The following NTRK3 variants were observed in gnomAD, a reference collection of about 807,000 sequenced individuals.
The protein encoded by NTRK3 is NT-3 growth factor receptor.
In NTRK3, 24 loss-of-function variants were observed where a neutral mutation model predicts 91.7. The observed-to-expected ratio is 0.26, with a 90% CI of 0.19 to 0.37. NTRK3 has a LOEUF of 0.37. NTRK3 is among the 10% of genes least tolerant of loss of function. NTRK3 has a pLI of 1.00. For missense variants in NTRK3, 880 were observed against 1,068.9 expected (o/e 0.82, Z 2.46); for synonymous variants, 483 against 404.0 (o/e 1.20, Z -2.34).
intron 13 of NTRK3, among the ~76,000 whole-genome samples, chr15:88,118,740 G>GGC (rs1259764404): frequency 6.6e-6 from 1 of 152,184 alleles, no homozygotes; most frequent in Non-Finnish European, 1.5e-5. Context: ...TCCACAGTAG[G>GGC]GCATAAGGCA....
intron 13 of NTRK3, among the ~76,000 whole-genome samples, chr15:88,034,637 G>T (rs2078906645): frequency 6.6e-6 from 1 of 152,180 alleles, no homozygotes; most frequent in African/African-American, 2.4e-5. Flanking sequence ...ACATCTTACT[G>T]AAGTTTATGG....
At chr15:87,880,832 G>C (rs529083501) in intron 17 of NTRK3, among the ~76,000 whole-genome samples, 12 of 152,360 alleles carry the variant, frequency 7.9e-5, no homozygotes, top group African/African-American at 2.9e-4. Context: ...ATTCTTGGCT[G>C]CAGTGGCACA....
rs144033815 is a variant in NTRK3, at chr15:87,960,155, G to A, written c.1586-19402C>T. ...CAGTACCTTGTTTGGGTCCCTCCTCGAACAAGACTAATCCAGGACCTCCTG... is the reference window on the plus strand; with the variant it reads ...CAGTACCTTGTTTGGGTCCCTCCTCAAACAAGACTAATCCAGGACCTCCTG... On this transcript the variant is annotated intron_variant, in intron 14 of 18. Coordinates refer to ENST00000394480, the Ensembl canonical transcript of NTRK3. 9.6e-3 allele frequency among the ~76,000 whole-genome samples: 1,457 copies of A among 152,220 alleles called. 10 individuals are homozygous for A. The highest frequency in any genetic ancestry group is 0.013 in the Non-Finnish European group (862 of 68,014).
intron 13 of NTRK3, among the ~76,000 whole-genome samples, chr15:88,073,232 G>A (rs934800921): frequency 6.6e-6 from 1 of 152,202 alleles, no homozygotes; most frequent in Admixed American, 6.5e-5. Flanking sequence ...AAACTCTGGG[G>A]CAGGGGCCCA....
intron 14 of NTRK3, among the ~76,000 whole-genome samples, chr15:87,952,445 T>A (rs2071219612): frequency 6.6e-6 from 1 of 152,244 alleles, no homozygotes; most frequent in African/African-American, 2.4e-5. Flanking sequence ...GGGCTTCCTG[T>A]CTTCCCTCAG....
intron 16 of NTRK3, among the ~76,000 whole-genome samples, chr15:87,932,109 T>C (rs1331755383): frequency 6.6e-6 from 1 of 152,196 alleles, no homozygotes; most frequent in African/African-American, 2.4e-5. Context: ...AGATGCTGTC[T>C]TCTCTTGGGA....
intron 3 of NTRK3, among the ~76,000 whole-genome samples, chr15:88,226,773 C>A (rs1467572208): frequency 2.0e-5 from 3 of 152,224 alleles, no homozygotes; most frequent in Non-Finnish European, 4.4e-5. Flanking sequence ...TCACACTCAA[C>A]TTGTAGAGAG....
At chr15:88,087,849 G>A (rs1232686601) in intron 13 of NTRK3, among the ~76,000 whole-genome samples, 1 of 152,178 alleles carries the variant, frequency 6.6e-6, no homozygotes, top group African/African-American at 2.4e-5. Flanking sequence ...AGAAGTTCAA[G>A]ACCAGCCTGG....
At chr15:87,955,911 C>T (rs989750281) in intron 14 of NTRK3, among the ~76,000 whole-genome samples, 1 of 152,074 alleles carries the variant, frequency 6.6e-6, no homozygotes, top group South Asian at 2.1e-4. Context: ...GCTAGGGTCT[C>T]CAGCAGGGAA....
chr15:87,898,074 T>C (rs2066231376), intron 17 of NTRK3, among the ~76,000 whole-genome samples: 2 of 152,364 alleles, frequency 1.3e-5, no homozygotes, highest in South Asian at 4.1e-4. Flanking sequence ...TGCACATACA[T>C]AATACTTTGA....
intron 13 of NTRK3, among the ~76,000 whole-genome samples, chr15:88,096,149 C>A (rs187272730): frequency 2.0e-5 from 3 of 152,132 alleles, no homozygotes; most frequent in Non-Finnish European, 2.9e-5. Context: ...ACAGGGCATC[C>A]TAATCATGCT....
chr15:88,002,171 T>C (rs866710244), intron 14 of NTRK3, among the ~76,000 whole-genome samples: 1 of 98,494 alleles, frequency 1.0e-5, no homozygotes, highest in Non-Finnish European at 2.4e-5. Context: ...AGTGGTTGTT[T>C]TTTTTTTTTT....
intron 13 of NTRK3, among the ~76,000 whole-genome samples, chr15:88,065,407 C>T (rs2046565018): frequency 6.6e-6 from 1 of 152,136 alleles, no homozygotes; most frequent in African/African-American, 2.4e-5. Context: ...CCCATATGGT[C>T]CCTGTCCCCA....
rs539485100 is a variant in NTRK3, at chr15:88,074,879, A to G, written c.1397-41834T>C. On this transcript the variant is annotated intron_variant, in intron 13 of 18. Transcript: ENST00000394480. ...AGAACCTCCATTTTCCCATCTGTAAAATGGGAATAAAATAATCACCTATGA... is the reference window on the plus strand; with the variant it reads ...AGAACCTCCATTTTCCCATCTGTAAGATGGGAATAAAATAATCACCTATGA... 2.0e-5 allele frequency among the ~76,000 whole-genome samples: 3 copies of G among 152,248 alleles called. No homozygotes were observed. In the East Asian group the frequency reaches 5.8e-4, roughly 29 times the overall value.
In NTRK3 at chr15:88,240,740, G is replaced by A. The variant is rs1029613024; in HGVS notation, c.248+15166C>T. The stretch of plus-strand genomic sequence containing the variant: ...CCTGCCATGTCACTGTGCTGAGAAT[G>A]GAAGCGGGTTAAAATAAAAGTCCCC... On this transcript the variant is annotated intron_variant, in intron 3 of 18. Transcript: ENST00000394480. The surrounding 1 kb of genome is among the most constrained non-coding windows in gnomAD (Gnocchi z 4.9). 1.3e-5 allele frequency among the ~76,000 whole-genome samples: 2 copies of A among 152,204 alleles called. No homozygotes were observed. Among genetic ancestry groups the A allele is most frequent in the African/African-American group, 4.8e-5 (2 of 41,458 alleles).
At chr15:88,225,077 G>A (rs907038657) in intron 3 of NTRK3, among the ~76,000 whole-genome samples, 13 of 152,162 alleles carry the variant, frequency 8.5e-5, no homozygotes, top group Admixed American at 6.5e-4. Context: ...AAGAGGTTGC[G>A]GGAAAGATGA....
chr15:88,203,988 C>G (rs989920031), intron 3 of NTRK3, among the ~76,000 whole-genome samples: 2 of 152,108 alleles, frequency 1.3e-5, no homozygotes, highest in African/African-American at 2.4e-5. Context: ...ACATTTTAAG[C>G]CTCACATGCA....
chr15:88,239,036 C>A (rs1019409882), intron 3 of NTRK3, among the ~76,000 whole-genome samples: 1 of 152,196 alleles, frequency 6.6e-6, no homozygotes, highest in African/African-American at 2.4e-5. Context: ...CACTGCCAGG[C>A]CTGAATACAG....
intron 3 of NTRK3, among the ~76,000 whole-genome samples, chr15:88,223,221 A>G (rs543050806): frequency 1.3e-5 from 2 of 152,332 alleles, no homozygotes; most frequent in East Asian, 3.9e-4. Flanking sequence ...AGCCGAGTGG[A>G]ATGTCCTTGA....
Sources: allele counts gnomAD v4.1 joint callset (sites outside exome capture counted in the v4.1 genomes callset), GRCh38; gene constraint gnomAD v4.1.1; non-coding constraint Gnocchi (gnomAD v3.1); transcripts MANE v1.5; gene names NCBI Gene and HGNC (gene_info 2026-07-23, HGNC 2026-07-21).